ANKRD28: variants seen among roughly 807,000 people sequenced by gnomAD.
ANKRD28 encodes the protein ankyrin repeat domain 28.
ANKRD28 carries 44 observed loss-of-function variants against 126.5 expected under a neutral mutation model. The observed-to-expected ratio is 0.35, with a 90% CI of 0.27 to 0.45. ANKRD28 has a LOEUF of 0.45. Ranked by LOEUF, ANKRD28 falls within the 20% of genes least tolerant of loss-of-function variation. The pLI is 1.00. For synonymous variants in ANKRD28, 442 were observed against 468.5 expected (o/e 0.94, Z 0.73); for missense variants, 1,110 against 1,316.6 (o/e 0.84, Z 2.43).
chr3:15,712,234 AG>A lies in ANKRD28; in HGVS notation c.1191-13del. On this transcript the variant is annotated splice_polypyrimidine_tract_variant and intron_variant, in intron 10 of 27. Transcript: ENST00000683139. ...CATGTATGCCACGCCTAAAGTTAAT[AG>A]AACAGGACAGTATCTTCATTTTAAC... 6.4e-7 allele frequency: 1 copy of A among 1,553,662 alleles called. No homozygotes were observed. The highest frequency in any genetic ancestry group is 8.7e-7 in the Non-Finnish European group (1 of 1,143,018).
Position 15,686,049 on chromosome 3 carries a change from T to C in ANKRD28, c.2122A>G (p.Asn708Asp). 6.2e-7 allele frequency: 1 copy of C among 1,613,816 alleles called. No individual in the cohort carries two copies. Among genetic ancestry groups the C allele is most frequent in the South Asian group, 1.1e-5 (1 of 90,996 alleles). Residue 708 changes from asparagine (N) to aspartate (D), a missense_variant, in exon 20 of 28, where the codon AAT (asparagine) becomes GAT (aspartate). Transcript: ENST00000683139. ...CVYSLLNKGA[N>D]VDAKDKWGRT... ...CCCCACTTATCTTTGGCATCTACAT[T>C]TGCTCCTTTGTTCAGCAATGAGTAA... is the stretch of plus-strand genomic sequence containing the variant.
rs148829820 is a variant in ANKRD28 at position 15,790,200 on chromosome 3, C to T, written c.201+5023G>A. 2.6e-3 allele frequency among the ~76,000 whole-genome samples: 394 copies of T among 152,134 alleles called. 10 individuals carry two copies. In the East Asian group the frequency reaches 0.053, roughly 20 times the overall value. On this transcript the variant is annotated intron_variant, in intron 2 of 27. Coordinates refer to ENST00000683139, the MANE Select transcript of ANKRD28 (RefSeq NM_001349278.2). ...AGGCCAGGACATAATGGCTTCACTG[C>T]TGAATTCTACCAAACATTTAAAGAA... is the stretch of plus-strand genomic sequence containing the variant.
intron 1 of ANKRD28, 120 bp downstream of exon 1, chr3:15,796,285 G>A (rs1575717081): frequency 6.4e-6 from 3 of 467,024 alleles, no homozygotes; most frequent in African/African-American, 4.2e-5. Flanking sequence ...ATCTACACAC[G>A]TATTGCTTTA....
At chr3:15,758,169 C>T (rs916657311) in intron 3 of ANKRD28, among the ~76,000 whole-genome samples, 3 of 152,184 alleles carry the variant, frequency 2.0e-5, no homozygotes, top group Admixed American at 1.3e-4. Flanking sequence ...TTGTTTTCTT[C>T]CTTGCTCCTA....
At chr3:15,841,961 T>C (rs750998390) in intron 1 of ANKRD28, among the ~76,000 whole-genome samples, 66 of 151,728 alleles carry the variant, frequency 4.3e-4, no homozygotes, top group Non-Finnish European at 7.7e-4. Flanking sequence ...AATCAGTATA[T>C]TGAAGAGATA....
Position 15,678,336 on chromosome 3 carries a change from G to A in ANKRD28, c.2580C>T (p.Ala860=), listed in dbSNP as rs775806991. Residue 860 remains alanine (A), a synonymous_variant, in exon 24 of 28, where the codon GCC becomes GCT. Coordinates refer to ENST00000683139, the MANE Select transcript of ANKRD28 (RefSeq NM_001349278.2). ...AACACTCTACATGGTCTGTGAAGGC[G>A]GCTGCATGGAGAGGAGTTCTGTGAT... ...DSKGRTPLHA[A]AFTDHVECLQ... is the part of the protein sequence containing the mutation. 34 of 1,606,490 alleles carry A rather than the reference G, an allele frequency of 2.1e-5. 1 individual carries two copies. The Middle Eastern group carries it at 6.6e-4, about 31-fold the overall frequency.
chr3:15,718,400 T>A (rs1423603360), intron 8 of ANKRD28, among the ~76,000 whole-genome samples: 1 of 152,202 alleles, frequency 6.6e-6, no homozygotes, highest in East Asian at 1.9e-4. Flanking sequence ...TATATGAAAT[T>A]CACCACTGAG....
At chr3:15,730,526 T>C (rs955200223) in intron 6 of ANKRD28, among the ~76,000 whole-genome samples, 1 of 152,228 alleles carries the variant, frequency 6.6e-6, no homozygotes, top group Non-Finnish European at 1.5e-5. Flanking sequence ...TCTCTTACAC[T>C]AACATTGATG....
chr3:15,746,217 T>C (rs1452209571), intron 4 of ANKRD28, among the ~76,000 whole-genome samples: 3 of 152,214 alleles, frequency 2.0e-5, no homozygotes, highest in Non-Finnish European at 4.4e-5. Context: ...TCTTGTCTGA[T>C]GTCTCTGGCT....
intron 7 of ANKRD28, among the ~76,000 whole-genome samples, chr3:15,722,192 A>G (rs559994078): frequency 9.2e-5 from 14 of 152,260 alleles, no homozygotes; most frequent in African/African-American, 3.4e-4. Context: ...AAGAGTCTCT[A>G]TTTAGAGTGG....
intron 26 of ANKRD28, 105 bp downstream of exon 26, chr3:15,676,867 CTA>C: frequency 1.2e-6 from 1 of 828,774 alleles, no homozygotes; most frequent in East Asian, 2.7e-5. Flanking sequence ...AAAATTGCTT[CTA>C]TGACTAATGA....
At chr3:15,774,624 G>A (rs1379644662) in intron 2 of ANKRD28, among the ~76,000 whole-genome samples, 1 of 152,074 alleles carries the variant, frequency 6.6e-6, no homozygotes, top group African/African-American at 2.4e-5. Context: ...TACAACTCAA[G>A]TTAGGGAAAG....
At chr3:15,749,095 GTTTTTGTTT>G (rs1387848027) in intron 4 of ANKRD28, among the ~76,000 whole-genome samples, 2,268 of 106,972 alleles carry the variant, frequency 0.021, 170 homozygotes, top group African/African-American at 0.079. Flanking sequence ...TCTATATTAT[GTTTTTGTTT>G]TTTTTTTTTT....
chr3:15,784,014 C>T (rs1002968375), intron 2 of ANKRD28, among the ~76,000 whole-genome samples: 12 of 151,462 alleles, frequency 7.9e-5, no homozygotes, highest in Admixed American at 1.3e-4. Context: ...GAAAAGAGTC[C>T]GGAGAAATAT....
At chr3:15,716,897 G>A (rs2073140607) in intron 8 of ANKRD28, among the ~76,000 whole-genome samples, 1 of 152,126 alleles carries the variant, frequency 6.6e-6, no homozygotes. Context: ...AGGAGTTTGA[G>A]GCTGAAGTGA....
rs1279210905 is a variant in ANKRD28, at chr3:15,846,953, A to C, written c.27+12424T>G. ...CAATCATATGGCCATCCCCAAACAC[A>C]AAAGGTCTAGTAAATATAAGTTATC... On this transcript the variant is annotated intron_variant, in intron 1 of 27. Transcript: ENST00000399451. The surrounding 1 kb of genome is among the most constrained non-coding windows in gnomAD (Gnocchi z 5.4). Among the ~76,000 whole-genome samples the C allele has an allele frequency of 6.6e-6, 1 of 152,160 alleles. No individual in the cohort carries two copies. Among genetic ancestry groups the C allele is most frequent in the Non-Finnish European group, 1.5e-5 (1 of 68,020 alleles).
At chr3:15,732,231 C>A (rs1406618928) in intron 6 of ANKRD28, 1 of 152,154 alleles carries the variant, frequency 6.6e-6, no homozygotes, top group Non-Finnish European at 1.5e-5. Context: ...ACTCCACAGT[C>A]TGAAAGGGGA....
intron 9 of ANKRD28, among the ~76,000 whole-genome samples, chr3:15,713,906 C>T (rs1416252459): frequency 2.0e-5 from 3 of 152,144 alleles, no homozygotes; most frequent in Admixed American, 2.0e-4. Context: ...TTGGAAACTA[C>T]TGTATTAAAA....
chr3:15,706,505 G>T (rs549378064), intron 14 of ANKRD28, among the ~76,000 whole-genome samples: 23 of 152,208 alleles, frequency 1.5e-4, no homozygotes, highest in South Asian at 1.0e-3. Flanking sequence ...GACATTTGGG[G>T]TGGTTCCAAG....
Sources: gnomAD v4.1 joint callset for allele counts (sites outside exome capture counted in the v4.1 genomes callset) on GRCh38, gnomAD v4.1.1 for gene constraint, Gnocchi (gnomAD v3.1) non-coding constraint, MANE v1.5 for transcripts, NCBI Gene and HGNC (gene_info 2026-07-23, HGNC 2026-07-21) for gene names.